Variants in WLS observed in about 807,000 individuals in gnomAD.
The protein encoded by WLS is protein wntless homolog.
Under a neutral mutation model 62.8 loss-of-function variants are expected in WLS, and 23 were observed. The ratio of observed to expected loss-of-function variants is 0.37; its 90% CI spans 0.26 to 0.52. WLS has a LOEUF of 0.52. WLS is among the 20% of genes least tolerant of loss of function. WLS has a pLI of 0.92. For synonymous variants in WLS, 246 were observed against 244.1 expected (o/e 1.01, Z -0.07); for missense variants, 615 against 697.3 (o/e 0.88, Z 1.33).
Position 68,125,428 on chromosome 1 carries a change from G to GATCT in WLS, c.*794_*797dup. On this transcript the variant is annotated 3_prime_UTR_variant, in exon 12 of 12. Transcript: ENST00000262348. ...ACATACAGGTTTATTTAAATGATTGGATCTACACTTTTGGAGGCTATTTGA... is the reference window on the plus strand; with the variant it reads ...ACATACAGGTTTATTTAAATGATTGGATCTATCTACACTTTTGGAGGCTATTTGA... The GATCT allele has an allele frequency of 1.0e-6, 1 of 984,810 alleles. No individual in the cohort carries two copies. Among genetic ancestry groups the GATCT allele is most frequent in the Non-Finnish European group, 1.2e-6 (1 of 829,788 alleles). The allele number at this position is 984,810 out of a possible 1,614,324, so 61.0% of individuals were successfully genotyped here.
intron 3 of WLS, among the ~76,000 whole-genome samples, 154 bp downstream of exon 3, chr1:68,158,969 C>G (rs945845795): frequency 6.6e-6 from 1 of 152,152 alleles, no homozygotes; most frequent in Non-Finnish European, 1.5e-5. Flanking sequence ...AGGCCCGTGG[C>G]AGGAGAGAAG....
intron 1 of WLS, among the ~76,000 whole-genome samples, chr1:68,195,000 C>T (rs1208964801): frequency 6.6e-6 from 1 of 152,132 alleles, no homozygotes; most frequent in East Asian, 1.9e-4. Flanking sequence ...ACAACATTTA[C>T]CCAAAATCCC....
intron 1 of WLS, among the ~76,000 whole-genome samples, chr1:68,203,355 C>G (rs1184813396): frequency 2.0e-5 from 3 of 152,214 alleles, no homozygotes; most frequent in Non-Finnish European, 4.4e-5. Flanking sequence ...TTAGCACTCT[C>G]AGATTACCTG....
rs1296320730 is a variant in WLS at position 68,125,988 on chromosome 1, A to G, written c.*238T>C. On this transcript the variant is annotated 3_prime_UTR_variant, in exon 12 of 12. Transcript: ENST00000262348. ...TCACTAATTAACAATGATCACAGAA[A>G]ATGTGTCATACCAGAGTTTTTGTTA... is the stretch of plus-strand genomic sequence containing the variant. 21 of 1,325,036 alleles carry G rather than the reference A, an allele frequency of 1.6e-5. No individual in the cohort carries two copies. The highest frequency in any genetic ancestry group is 1.9e-5 in the Non-Finnish European group (20 of 1,035,128). 82.1% of individuals were successfully genotyped at this position (1,325,036 alleles called of 1,614,324 possible). A position where few individuals can be genotyped will look rare whatever the true frequency, so the allele number is the denominator to read the frequency against.
chr1:68,119,841 A>G (rs1386085005), intron 11 of WLS, among the ~76,000 whole-genome samples: 3 of 152,236 alleles, frequency 2.0e-5, no homozygotes, highest in Non-Finnish European at 1.5e-5. Flanking sequence ...GCATGGTGCT[A>G]TAGAAATAAC....
chr1:68,142,689 A>G (rs1646701624), intron 10 of WLS: 1 of 152,232 alleles, frequency 6.6e-6, no homozygotes. Context: ...TGTGGTGAAC[A>G]GAACTTACAA....
chr1:68,118,745 G>T (rs1052509234), intron 11 of WLS, among the ~76,000 whole-genome samples: 1 of 151,748 alleles, frequency 6.6e-6, no homozygotes, highest in African/African-American at 2.4e-5. Flanking sequence ...CGTGGTGGCA[G>T]ATGCCTGTAA....
intron 1 of WLS, among the ~76,000 whole-genome samples, chr1:68,212,254 G>A (rs895591584): frequency 1.3e-5 from 2 of 152,308 alleles, no homozygotes; most frequent in East Asian, 3.9e-4. Context: ...TTCAGCAAAA[G>A]AGTTCACGAA....
chr1:68,176,917 A>G lies in WLS; in HGVS notation c.379+17038T>C, dbSNP rs72670443. Among the ~76,000 whole-genome samples the G allele has an allele frequency of 4.5e-3, 689 of 152,326 alleles. 5 individuals carry two copies. The highest frequency in any genetic ancestry group is 0.041 in the South Asian group (198 of 4,822). ...ATGCATAATCAACGTTTCCTTCTCT[A>G]TACCTAATGCCTTTGCTGAGTTACC... On this transcript the variant is annotated intron_variant, in intron 2 of 11. Transcript: ENST00000262348.
intron 2 of WLS, chr1:68,162,672 G>T: frequency 8.1e-7 from 1 of 1,237,138 alleles, no homozygotes; most frequent in Non-Finnish European, 1.2e-6. Context: ...TGAGGATGTG[G>T]CAGATGGTAG....
At chr1:68,153,057 T>C (rs758406671) in intron 5 of WLS, among the ~76,000 whole-genome samples, 1 of 152,006 alleles carries the variant, frequency 6.6e-6, no homozygotes, top group Non-Finnish European at 1.5e-5. Flanking sequence ...AGCGGGCAAA[T>C]CACTTGAGCT....
intron 1 of WLS, among the ~76,000 whole-genome samples, chr1:68,228,666 T>A (rs561394467): frequency 4.3e-4 from 66 of 151,908 alleles, no homozygotes; most frequent in African/African-American, 1.6e-3. Context: ...TGTATTTAGA[T>A]GTATTTAGAA....
At chr1:68,163,068 T>G (rs1371290468) in intron 2 of WLS, 2 of 1,575,344 alleles carry the variant, frequency 1.3e-6, no homozygotes, top group Non-Finnish European at 1.7e-6. Flanking sequence ...TCTCTTGACT[T>G]TGTGCTTATC....
At chr1:68,162,741 G>A (rs1570924938) in intron 2 of WLS, 2 of 1,138,796 alleles carry the variant, frequency 1.8e-6, no homozygotes, top group Admixed American at 1.8e-5. Flanking sequence ...TTCCGAGCTC[G>A]CTGGCAGCCT....
chr1:68,200,525 A>G (rs1648951210), intron 1 of WLS, among the ~76,000 whole-genome samples: 1 of 149,690 alleles, frequency 6.7e-6, no homozygotes, highest in East Asian at 2.0e-4. Context: ...GTCTATGTCT[A>G]TATCTTCAAA....
At position 68,195,581 on chromosome 1, in the gene WLS, A is replaced by G. The variant is rs1451469764; in HGVS notation, c.107-1354T>C. Among the ~76,000 whole-genome samples, 4 of 152,182 alleles carry G rather than the reference A, an allele frequency of 2.6e-5. 1 individual carries two copies. The highest frequency in any genetic ancestry group is 4.8e-5 in the African/African-American group (2 of 41,462). On this transcript the variant is annotated intron_variant, in intron 1 of 11. Transcript: ENST00000262348. The stretch of plus-strand genomic sequence containing the variant: ...TCTCCTTCATCAGTTTGTAAAGGCT[A>G]TCTATAAGAATAATCCTTTGCCTAA...
At chr1:68,105,048 T>A (rs1252552195) in intron 11 of WLS, among the ~76,000 whole-genome samples, 1 of 152,356 alleles carries the variant, frequency 6.6e-6, no homozygotes, top group East Asian at 1.9e-4. Flanking sequence ...GTGGTCCCAT[T>A]CTCTTCAGCT....
chr1:68,189,710 A>C (rs972188340), intron 2 of WLS, among the ~76,000 whole-genome samples: 1 of 152,232 alleles, frequency 6.6e-6, no homozygotes, highest in African/African-American at 2.4e-5. Context: ...TGTAATAGCT[A>C]CTTTTAATTT....
chr1:68,109,445 C>T (rs1570801116), intron 11 of WLS, among the ~76,000 whole-genome samples: 1 of 152,178 alleles, frequency 6.6e-6, no homozygotes, highest in Non-Finnish European at 1.5e-5. Flanking sequence ...CAGACTTCTA[C>T]TTCTAAGAAC....
Sources: allele counts gnomAD v4.1 joint callset (sites outside exome capture counted in the v4.1 genomes callset), GRCh38; gene constraint gnomAD v4.1.1; transcripts MANE v1.5; gene names NCBI Gene and HGNC (gene_info 2026-07-23, HGNC 2026-07-21).